The following GPC5 variants were observed in gnomAD, a reference collection of about 807,000 sequenced individuals.
GPC5 encodes glypican 5.
Under a neutral mutation model 53.9 loss-of-function variants are expected in GPC5, and 47 were observed. That is an observed-to-expected ratio of 0.87 (90% CI 0.69 to 1.11). The LOEUF (loss-of-function observed/expected upper bound fraction) is 1.11, where lower values mean the gene tolerates loss of function less well. Among genes scored for constraint, GPC5 ranks in the 50% most tolerant of loss-of-function variants. The pLI, the probability that GPC5 is intolerant of heterozygous loss-of-function variation, is 0.00. For synonymous variants in GPC5, 286 were observed against 263.3 expected (o/e 1.09, Z -0.84); for missense variants, 748 against 713.1 (o/e 1.05, Z -0.56).
At chr13:91,972,240 T>C (rs2040249809) in intron 6 of GPC5, among the ~76,000 whole-genome samples, 1 of 152,238 alleles carries the variant, frequency 6.6e-6, no homozygotes, top group South Asian at 2.1e-4. Flanking sequence ...TTGTCTCTTT[T>C]GATCTTTGTT....
intron 6 of GPC5, among the ~76,000 whole-genome samples, chr13:91,986,081 T>TTTA (rs1351649989): frequency 8.9e-5 from 13 of 146,656 alleles, no homozygotes; most frequent in Non-Finnish European, 1.9e-4. Context: ...TTTTTTTTTT[T>TTTA]TTGAGACGGA....
intron 1 of GPC5, among the ~76,000 whole-genome samples, chr13:91,435,806 C>T (rs570521735): frequency 3.9e-4 from 59 of 152,302 alleles, no homozygotes; most frequent in African/African-American, 1.4e-3. Context: ...GGCTGTGAAT[C>T]CATCTGGTCC....
chr13:91,875,027 T>C (rs1181073035), intron 5 of GPC5, among the ~76,000 whole-genome samples: 2 of 152,192 alleles, frequency 1.3e-5, no homozygotes, highest in Admixed American at 6.5e-5. Context: ...CAAACATCAG[T>C]TCTGAAATTA....
chr13:92,253,613 T>C (rs554946465), intron 7 of GPC5, among the ~76,000 whole-genome samples: 4 of 152,222 alleles, frequency 2.6e-5, no homozygotes, highest in African/African-American at 7.2e-5. Context: ...ATGTGTGCAA[T>C]AGAAGTCATG....
intron 5 of GPC5, among the ~76,000 whole-genome samples, chr13:91,763,097 C>T (rs2037448928): frequency 1.3e-5 from 2 of 152,106 alleles, no homozygotes. Context: ...GAGGGAATGA[C>T]ATTTTTATAA....
chr13:91,562,063 A>G (rs1485308749), intron 2 of GPC5, among the ~76,000 whole-genome samples: 1 of 152,012 alleles, frequency 6.6e-6, no homozygotes, highest in Non-Finnish European at 1.5e-5. Context: ...TTCCTCCTCC[A>G]GTTCATGCCA....
At chr13:91,468,346 C>G (rs1322718538) in intron 2 of GPC5, among the ~76,000 whole-genome samples, 1 of 152,128 alleles carries the variant, frequency 6.6e-6, no homozygotes. Flanking sequence ...ATGCTGGACT[C>G]TTCACCTCCA....
intron 7 of GPC5, among the ~76,000 whole-genome samples, chr13:92,276,729 T>G (rs1316766452): frequency 6.6e-6 from 1 of 152,146 alleles, no homozygotes; most frequent in Non-Finnish European, 1.5e-5. Flanking sequence ...TAAGAGCCTT[T>G]TATTACTATA....
chr13:91,485,117 A>AT (rs1014250932), intron 2 of GPC5, among the ~76,000 whole-genome samples: 4 of 152,142 alleles, frequency 2.6e-5, no homozygotes, highest in Admixed American at 6.5e-5. Flanking sequence ...AAATATGCAC[A>AT]TTTTTTTGAG....
intron 7 of GPC5, among the ~76,000 whole-genome samples, chr13:92,182,876 G>GAA (rs1555317199): frequency 0.088 from 9,770 of 111,646 alleles, 804 homozygotes; most frequent in African/African-American, 0.21. Flanking sequence ...CTCAAAAAAA[G>GAA]AAAAAAAAAA....
chr13:91,603,440 A>G (rs1054962413), intron 2 of GPC5, among the ~76,000 whole-genome samples: 1 of 152,260 alleles, frequency 6.6e-6, no homozygotes, highest in Non-Finnish European at 1.5e-5. Context: ...ACCAAGGTGC[A>G]GTCCACGGTT....
chr13:91,517,255 A>T (rs1000931896), intron 2 of GPC5, among the ~76,000 whole-genome samples: 1 of 152,134 alleles, frequency 6.6e-6, no homozygotes, highest in Non-Finnish European at 1.5e-5. Context: ...TCCTGATAAA[A>T]CTGAATGCCT....
chr13:91,878,238 A>C (rs1050816071), intron 5 of GPC5, among the ~76,000 whole-genome samples: 1 of 152,192 alleles, frequency 6.6e-6, no homozygotes, highest in Non-Finnish European at 1.5e-5. Flanking sequence ...TATAAGGAGT[A>C]ATTAACCCTC....
At chr13:92,721,124 A>C (rs1392325767) in intron 7 of GPC5, among the ~76,000 whole-genome samples, 1 of 152,080 alleles carries the variant, frequency 6.6e-6, no homozygotes, top group Non-Finnish European at 1.5e-5. Context: ...AGAACTGGAT[A>C]CACAGGGAAC....
chr13:92,043,082 G>T (rs1209579340), intron 6 of GPC5, among the ~76,000 whole-genome samples: 1 of 151,880 alleles, frequency 6.6e-6, no homozygotes, highest in African/African-American at 2.4e-5. Flanking sequence ...AGACAGAGAA[G>T]AAAAAACTAT....
At position 92,227,315 on chromosome 13, in the gene GPC5, A is replaced by G. The variant is rs547704326; in HGVS notation, c.1561+82326A>G. ...CATTGAAAAACGCAAACAAAAAAACAGCCACCCAATGTGGCCATAGGATTA... is the reference window on the plus strand; with the variant it reads ...CATTGAAAAACGCAAACAAAAAAACGGCCACCCAATGTGGCCATAGGATTA... On this transcript the variant is annotated intron_variant, in intron 7 of 7. Coordinates refer to ENST00000377067, the MANE Select transcript of GPC5 (RefSeq NM_004466.6). Among the ~76,000 whole-genome samples, 7 of 152,168 alleles carry G rather than the reference A, an allele frequency of 4.6e-5. 1 individual carries two copies. The highest frequency in any genetic ancestry group is 1.7e-4 in the African/African-American group (7 of 41,440).
rs191123904 is a variant in GPC5 at position 92,279,246 on chromosome 13, T to C, written c.1561+134257T>C. Among the ~76,000 whole-genome samples the C allele has an allele frequency of 7.9e-5, 12 of 152,210 alleles. No individual in the cohort carries two copies. In the East Asian group the frequency reaches 2.3e-3, roughly 29 times the overall value. On this transcript the variant is annotated intron_variant, in intron 7 of 7. Coordinates refer to ENST00000377067, the MANE Select transcript of GPC5 (RefSeq NM_004466.6). ...TGTGCATACCTTGCACTTCCTCATCTTACTTCTTCCTATGTATTGTTTCCG... is the reference window on the plus strand; with the variant it reads ...TGTGCATACCTTGCACTTCCTCATCCTACTTCTTCCTATGTATTGTTTCCG...
intron 2 of GPC5, among the ~76,000 whole-genome samples, chr13:91,528,382 T>C (rs2138646324): frequency 6.6e-6 from 1 of 152,332 alleles, no homozygotes; most frequent in Admixed American, 6.5e-5. Context: ...ATGCTGCCAG[T>C]CTTTTTGCTA....
chr13:92,647,291 A>G (rs1285641148), intron 7 of GPC5, among the ~76,000 whole-genome samples: 1 of 152,122 alleles, frequency 6.6e-6, no homozygotes, highest in Non-Finnish European at 1.5e-5. Flanking sequence ...CTGATTTGCT[A>G]AGATCTTTAT....
Sources: gnomAD v4.1 joint callset for allele counts (sites outside exome capture counted in the v4.1 genomes callset) on GRCh38, gnomAD v4.1.1 for gene constraint, MANE v1.5 for transcripts, NCBI Gene and HGNC (gene_info 2026-07-23, HGNC 2026-07-21) for gene names.